OR9Q1: variants seen among roughly 807,000 people sequenced by gnomAD.
OR9Q1 encodes the protein olfactory receptor 9Q1.
For synonymous variants in OR9Q1, 153 were observed against 148.6 expected, an observed-to-expected ratio of 1.03 and a Z score of -0.22; for missense variants, 374 against 378.8, an observed-to-expected ratio of 0.99 and a Z score of 0.11.
At chr11:58,131,936 A>G (rs1854145347) in intron 2 of OR9Q1, among the ~76,000 whole-genome samples, 1 of 152,212 alleles carries the variant, frequency 6.6e-6, no homozygotes, top group South Asian at 2.1e-4. Flanking sequence ...AAAAATACCT[A>G]GAGTAGAAAA....
intron 2 of OR9Q1, among the ~76,000 whole-genome samples, chr11:58,090,503 T>C (rs1853673895): frequency 1.3e-5 from 2 of 152,216 alleles, no homozygotes; most frequent in Non-Finnish European, 2.9e-5. Flanking sequence ...GTCGACTTGA[T>C]CGTGGTGGAT....
intron 2 of OR9Q1, among the ~76,000 whole-genome samples, chr11:58,075,166 G>A (rs1053844932): frequency 1.3e-5 from 2 of 152,180 alleles, no homozygotes; most frequent in East Asian, 1.9e-4. Context: ...AGCTTGATGG[G>A]AGTAGCAATG....
Position 58,090,224 on chromosome 11 carries a change from C to T in OR9Q1, c.-15+34277C>T, listed in dbSNP as rs189014614. ...GAGAGAGGGCATCCTTGTCTTGTGC[C>T]GGTTTTCAAAGGGAATGCTTCCGGC... On this transcript the variant is annotated intron_variant, in intron 2 of 2. Transcript: ENST00000335397. Among the ~76,000 whole-genome samples, 506 of 152,208 alleles carry T rather than the reference C, an allele frequency of 3.3e-3. 4 individuals carry two copies. Among genetic ancestry groups the T allele is most frequent in the Non-Finnish European group, 5.2e-3 (355 of 67,996 alleles).
chr11:58,039,823 GC>G (rs1384696058), intron 1 of OR9Q1, among the ~76,000 whole-genome samples: 1 of 152,212 alleles, frequency 6.6e-6, no homozygotes, highest in East Asian at 1.9e-4. Context: ...ATAGCTTAGA[GC>G]AAGTGTCCTG....
At chr11:58,106,488 G>A (rs1202392194) in intron 2 of OR9Q1, among the ~76,000 whole-genome samples, 7 of 152,004 alleles carry the variant, frequency 4.6e-5, no homozygotes, top group Non-Finnish European at 8.8e-5. Context: ...TGTGCTGAAG[G>A]TATTTGGTTT....
intron 2 of OR9Q1, among the ~76,000 whole-genome samples, chr11:58,068,365 A>G (rs79366235): frequency 0.17 from 25,840 of 150,798 alleles, 2,352 homozygotes; most frequent in Non-Finnish European, 0.21. Context: ...AAAAAAAAAG[A>G]AAAAAAAGGC....
chr11:58,031,828 C>T, intron 1 of OR9Q1: 2 of 1,614,138 alleles, frequency 1.2e-6, no homozygotes, highest in Non-Finnish European at 1.7e-6. Flanking sequence ...TCAATCCTCT[C>T]ATCTACAGTC....
intron 2 of OR9Q1, among the ~76,000 whole-genome samples, chr11:58,066,818 A>G (rs904193879): frequency 1.3e-5 from 2 of 152,106 alleles, no homozygotes; most frequent in Non-Finnish European, 2.9e-5. Context: ...CTTCAAAGTC[A>G]GAAATAATCC....
intron 1 of OR9Q1, among the ~76,000 whole-genome samples, chr11:58,045,808 C>G (rs1190746105): frequency 6.6e-6 from 1 of 152,172 alleles, no homozygotes; most frequent in East Asian, 1.9e-4. Context: ...GCCTCAGCAC[C>G]ACTCTAGGGT....
chr11:58,119,594 G>A (rs1854005882), intron 2 of OR9Q1: 1 of 592,748 alleles, frequency 1.7e-6, no homozygotes, highest in East Asian at 2.8e-5. Context: ...TCTGAAACTG[G>A]CTGATTTTCC....
At chr11:58,080,475 A>G (rs1853577513) in intron 2 of OR9Q1, among the ~76,000 whole-genome samples, 1 of 152,124 alleles carries the variant, frequency 6.6e-6, no homozygotes, top group African/African-American at 2.4e-5. Context: ...TCTTTTTGGT[A>G]GGACAATTTA....
At chr11:58,179,008 A>AGAGAGAG (rs1554973091) in intron 2 of OR9Q1, among the ~76,000 whole-genome samples, 17 of 90,596 alleles carry the variant, frequency 1.9e-4, no homozygotes, top group African/African-American at 4.9e-4. Context: ...GAGAGAAAGA[A>AGAGAGAG]AGAAAGAGAG....
intron 2 of OR9Q1, among the ~76,000 whole-genome samples, chr11:58,127,708 T>A (rs921393759): frequency 6.6e-6 from 1 of 152,192 alleles, no homozygotes; most frequent in African/African-American, 2.4e-5. Flanking sequence ...TTAACTGGGA[T>A]ACTTAAAGAT....
At chr11:58,084,231 G>A (rs1319779938) in intron 2 of OR9Q1, among the ~76,000 whole-genome samples, 1 of 151,738 alleles carries the variant, frequency 6.6e-6, no homozygotes, top group African/African-American at 2.4e-5. Context: ...TTATAAATGG[G>A]ATTATGTTCT....
chr11:58,074,294 T>A (rs1300933931), intron 2 of OR9Q1, among the ~76,000 whole-genome samples: 1 of 152,174 alleles, frequency 6.6e-6, no homozygotes, highest in Non-Finnish European at 1.5e-5. Flanking sequence ...TTTTAATGAT[T>A]ACCATTCTAA....
At chr11:58,126,064 G>A (rs1854087522) in intron 2 of OR9Q1, among the ~76,000 whole-genome samples, 1 of 152,146 alleles carries the variant, frequency 6.6e-6, no homozygotes, top group Non-Finnish European at 1.5e-5. Context: ...GAAGGTATGA[G>A]TCTGGTGTGG....
At chr11:58,086,445 C>A (rs1200138623) in intron 2 of OR9Q1, among the ~76,000 whole-genome samples, 1 of 151,784 alleles carries the variant, frequency 6.6e-6, no homozygotes, top group South Asian at 2.1e-4. Flanking sequence ...AAAACAGTAT[C>A]AGAAGTTTCT....
intron 1 of OR9Q1, among the ~76,000 whole-genome samples, chr11:58,046,918 G>T (rs1370386925): frequency 6.6e-6 from 1 of 152,078 alleles, no homozygotes. Context: ...ATACTTAGGG[G>T]TCTGGGAAAG....
At chr11:58,165,762 C>T (rs1480859070) in intron 2 of OR9Q1, among the ~76,000 whole-genome samples, 1 of 152,166 alleles carries the variant, frequency 6.6e-6, no homozygotes, top group Non-Finnish European at 1.5e-5. Flanking sequence ...TGTTCTTTGA[C>T]CCCAGGCACT....
Sources: allele counts gnomAD v4.1 joint callset (sites outside exome capture counted in the v4.1 genomes callset), GRCh38; gene constraint gnomAD v4.1.1; transcripts MANE v1.5; gene names NCBI Gene and HGNC (gene_info 2026-07-23, HGNC 2026-07-21).